Variants in SNTG1 observed in about 807,000 individuals in gnomAD.
The protein encoded by SNTG1 is gamma-1-syntrophin.
A neutral mutation model predicts 74.7 loss-of-function variants in SNTG1; 39 were observed. The ratio of observed to expected loss-of-function variants is 0.52; its 90% CI spans 0.40 to 0.68. The LOEUF is 0.68. Ranked by LOEUF, SNTG1 falls within the 30% of genes least tolerant of loss-of-function variation. The pLI, the probability that SNTG1 is intolerant of heterozygous loss-of-function variation, is 0.00. For missense variants in SNTG1, 685 were observed against 609.5 expected (o/e 1.12, Z -1.30); for synonymous variants, 254 against 217.1 (o/e 1.17, Z -1.49).
In SNTG1 at chr8:49,911,961, T is replaced by C. The variant is rs1805619434; in HGVS notation, c.-373T>C. On this transcript the variant is annotated 5_prime_UTR_variant, in exon 1 of 19. Coordinates refer to ENST00000642720, the MANE Select transcript of SNTG1 (RefSeq NM_018967.5). Reference sequence around the variant, plus strand: ...AGTACTCTTGCTCCACAGATTAAACTCTCAGCAGCAACTTCAAGAATCATT... The same window carrying C: ...AGTACTCTTGCTCCACAGATTAAACCCTCAGCAGCAACTTCAAGAATCATT... The C allele has an allele frequency of 6.6e-6, 1 of 152,158 alleles. No homozygotes were observed. The highest frequency in any genetic ancestry group is 1.5e-5 in the Non-Finnish European group (1 of 68,066). The allele number at this position is 152,158 out of a possible 1,614,324, so 9.4% of individuals were successfully genotyped here.
At chr8:49,965,304 G>A (rs1031175060) in intron 1 of SNTG1, among the ~76,000 whole-genome samples, 35 of 152,156 alleles carry the variant, frequency 2.3e-4, no homozygotes, top group African/African-American at 8.4e-4. Context: ...TGATGACGAT[G>A]ATGTTAATGG....
intron 4 of SNTG1, among the ~76,000 whole-genome samples, chr8:50,410,329 A>C (rs2092931120): frequency 6.6e-6 from 1 of 152,142 alleles, no homozygotes; most frequent in South Asian, 2.1e-4. Context: ...AAATCTGTCA[A>C]CATGGAGATT....
chr8:50,227,476 T>C (rs148320447), intron 2 of SNTG1, among the ~76,000 whole-genome samples: 5 of 152,264 alleles, frequency 3.3e-5, no homozygotes, highest in African/African-American at 7.2e-5. Flanking sequence ...ATGGTATTTC[T>C]CTCACTCTAG....
At chr8:50,481,644 G>A (rs544634541) in intron 8 of SNTG1, among the ~76,000 whole-genome samples, 2 of 152,130 alleles carry the variant, frequency 1.3e-5, no homozygotes, top group South Asian at 4.1e-4. Context: ...CTGCACTTTG[G>A]ATTTCTATTA....
chr8:50,124,922 G>A (rs1322439946), intron 1 of SNTG1, among the ~76,000 whole-genome samples: 2 of 141,340 alleles, frequency 1.4e-5, no homozygotes, highest in African/African-American at 2.6e-5. Context: ...AATTCTTGTG[G>A]GCAGGCAGTT....
intron 1 of SNTG1, among the ~76,000 whole-genome samples, chr8:50,015,089 G>A (rs1816189656): frequency 6.6e-6 from 1 of 150,476 alleles, no homozygotes; most frequent in Non-Finnish European, 1.5e-5. Context: ...ATTTAAGTCA[G>A]TGAACCTACA....
intron 2 of SNTG1, among the ~76,000 whole-genome samples, chr8:50,310,440 G>A (rs1444829780): frequency 1.3e-5 from 2 of 152,268 alleles, no homozygotes; most frequent in East Asian, 3.9e-4. Context: ...TGTAATCCCA[G>A]CACTTTGGGA....
chr8:49,950,349 C>T (rs1271671516), intron 1 of SNTG1, among the ~76,000 whole-genome samples: 8 of 152,066 alleles, frequency 5.3e-5, no homozygotes, highest in African/African-American at 1.9e-4. Context: ...ATTTATTTCC[C>T]AGTTAATTAC....
chr8:50,626,035 G>GT (rs1435618134), intron 13 of SNTG1, among the ~76,000 whole-genome samples: 2 of 152,060 alleles, frequency 1.3e-5, no homozygotes, highest in African/African-American at 4.8e-5. Context: ...GTTGTTCAAA[G>GT]TTTTTTCTGA....
intron 1 of SNTG1, among the ~76,000 whole-genome samples, chr8:49,984,235 T>TGGATGGCA (rs1812945677): frequency 6.6e-6 from 1 of 152,146 alleles, no homozygotes; most frequent in Non-Finnish European, 1.5e-5. Context: ...GACAGAGATT[T>TGGATGGCA]ACTCTTGTTG....
intron 2 of SNTG1, among the ~76,000 whole-genome samples, chr8:50,304,007 A>C (rs919952958): frequency 6.6e-6 from 1 of 152,120 alleles, no homozygotes; most frequent in East Asian, 1.9e-4. Flanking sequence ...AAAATCCCAC[A>C]CTGGCTCTGT....
At chr8:50,598,056 GT>G (rs779137897) in intron 13 of SNTG1, among the ~76,000 whole-genome samples, 3 of 148,984 alleles carry the variant, frequency 2.0e-5, no homozygotes, top group Non-Finnish European at 4.5e-5. Flanking sequence ...TTTGTTTTTT[GT>G]TTTTTTTTAG....
intron 2 of SNTG1, among the ~76,000 whole-genome samples, chr8:50,181,854 AAAT>A (rs1311885930): frequency 2.6e-5 from 4 of 152,182 alleles, no homozygotes; most frequent in African/African-American, 9.6e-5. Flanking sequence ...TATGTAGAAA[AAAT>A]AAGAAGGAAA....
chr8:50,015,682 T>C (rs537891155), intron 1 of SNTG1, among the ~76,000 whole-genome samples: 27 of 152,264 alleles, frequency 1.8e-4, no homozygotes, highest in Middle Eastern at 6.8e-3. Context: ...TAAATTACTA[T>C]AACTAGGCTC....
chr8:50,523,922 T>A (rs917875714), intron 9 of SNTG1, among the ~76,000 whole-genome samples: 1 of 152,198 alleles, frequency 6.6e-6, no homozygotes, highest in African/African-American at 2.4e-5. Flanking sequence ...TAAAATCCAC[T>A]TAACCACTTT....
At chr8:49,983,900 G>C (rs571347841) in intron 1 of SNTG1, among the ~76,000 whole-genome samples, 1 of 152,202 alleles carries the variant, frequency 6.6e-6, no homozygotes, top group Admixed American at 6.5e-5. Context: ...ATGAATGGGG[G>C]GTACTGTTAT....
At chr8:50,251,579 C>T (rs1038947104) in intron 2 of SNTG1, among the ~76,000 whole-genome samples, 5 of 151,502 alleles carry the variant, frequency 3.3e-5, no homozygotes, top group African/African-American at 9.7e-5. Flanking sequence ...GATACGCATA[C>T]TTATATCAGA....
chr8:50,540,469 A>AT (rs1185404823), intron 11 of SNTG1, among the ~76,000 whole-genome samples: 2 of 152,012 alleles, frequency 1.3e-5, no homozygotes, highest in African/African-American at 2.4e-5. Context: ...GAGTATTGTC[A>AT]TTTTTTTAGT....
intron 15 of SNTG1, among the ~76,000 whole-genome samples, chr8:50,661,123 T>G (rs999095266): frequency 2.0e-5 from 3 of 152,190 alleles, no homozygotes; most frequent in Admixed American, 6.5e-5. Flanking sequence ...ACCTCAGCAC[T>G]TGTTATGTGG....
Sources: gnomAD v4.1 joint callset for allele counts (sites outside exome capture counted in the v4.1 genomes callset) on GRCh38, gnomAD v4.1.1 for gene constraint, MANE v1.5 for transcripts, NCBI Gene and HGNC (gene_info 2026-07-23, HGNC 2026-07-21) for gene names.